TMEM182: variants seen among roughly 807,000 people sequenced by gnomAD.
TMEM182 encodes transmembrane protein 182.
A neutral mutation model predicts 26.8 loss-of-function variants in TMEM182; 20 were observed. The ratio of observed to expected loss-of-function variants is 0.75; its 90% CI spans 0.53 to 1.09. The LOEUF (loss-of-function observed/expected upper bound fraction) is 1.09, where lower values mean the gene tolerates loss of function less well. TMEM182 is among the 50% of genes least tolerant of loss of function. The pLI is 0.00. For missense variants in TMEM182, 277 were observed against 275.5 expected (o/e 1.01, Z -0.04); for synonymous variants, 109 against 102.2 (o/e 1.07, Z -0.40).
chr2:102,843,188 C>T (rs989223007), intron 3 of TMEM182, among the ~76,000 whole-genome samples: 1 of 152,168 alleles, frequency 6.6e-6, no homozygotes, highest in Middle Eastern at 3.2e-3. Flanking sequence ...GATACCATGA[C>T]ACCTCCAGTA....
chr2:102,816,266 C>T lies in TMEM182; in HGVS notation c.*1298C>T, dbSNP rs10201334. ...GAGCTTTGTTGGAGGTGCGGTGTTTCATTCTGCAGCTGTTGTGAGGACAGA... is the reference window on the plus strand; with the variant it reads ...GAGCTTTGTTGGAGGTGCGGTGTTTTATTCTGCAGCTGTTGTGAGGACAGA... On this transcript the variant is annotated 3_prime_UTR_variant, in exon 5 of 5. Transcript: ENST00000412401. 9,260 of 985,142 alleles carry T rather than the reference C, an allele frequency of 9.4e-3. 662 individuals carry two copies. In the African/African-American group the frequency reaches 0.15, roughly 16 times the overall value. 61.0% of individuals were successfully genotyped at this position (985,142 alleles called of 1,614,324 possible).
At chr2:102,764,530 C>A in intron 3 of TMEM182, 103 bp downstream of exon 3, 1 of 840,184 alleles carries the variant, frequency 1.2e-6, no homozygotes, top group Non-Finnish European at 1.8e-6. Flanking sequence ...AATTTAAGAC[C>A]TGTAATTTCA....
chr2:102,792,186 C>A (rs1681677918), intron 3 of TMEM182, among the ~76,000 whole-genome samples: 2 of 151,536 alleles, frequency 1.3e-5, no homozygotes, highest in African/African-American at 4.8e-5. Context: ...TATCTCCAAC[C>A]TAGATCCATC....
At chr2:102,763,417 C>T (rs1196792586) in intron 2 of TMEM182, among the ~76,000 whole-genome samples, 6 of 151,998 alleles carry the variant, frequency 3.9e-5, no homozygotes. Flanking sequence ...GTTTATTAGC[C>T]TAAAGCTTAT....
chr2:102,806,401 G>T (rs1313201145), intron 4 of TMEM182, among the ~76,000 whole-genome samples: 4 of 152,092 alleles, frequency 2.6e-5, no homozygotes. Context: ...TTCTGTTCTT[G>T]GCAAAACATT....
rs1680349909 is a variant in TMEM182 at position 102,764,523 on chromosome 2, T to A, written c.331+96T>A. 3 of 916,834 alleles carry A rather than the reference T, an allele frequency of 3.3e-6. No homozygotes were observed. The East Asian group carries it at 8.2e-5, about 25-fold the overall frequency. The allele number at this position is 916,834 out of a possible 1,614,324, so 56.8% of individuals were successfully genotyped here. ...TGTTGTGAGCAATTAAAAAAATAAT[T>A]TAAGACCTGTAATTTCAATATTTTT... is the stretch of plus-strand genomic sequence containing the variant. On this transcript the variant is annotated intron_variant, in intron 3 of 4. Transcript: ENST00000412401.
At chr2:102,757,250 AT>A (rs1680070043), upstream of TMEM182, among the ~76,000 whole-genome samples, 1 of 152,160 alleles carries the variant, frequency 6.6e-6, no homozygotes, top group African/African-American at 2.4e-5. Context: ...TTGCCTCCTC[AT>A]TTAGACTTGG....
intron 1 of TMEM182, among the ~76,000 whole-genome samples, chr2:102,752,153 A>G (rs747953486): frequency 6.6e-6 from 1 of 152,208 alleles, no homozygotes; most frequent in Non-Finnish European, 1.5e-5. Flanking sequence ...CCTGCCATAA[A>G]GAGATTCAGA....
chr2:102,756,228 T>G (rs1477544265), intron 1 of TMEM182, among the ~76,000 whole-genome samples: 1 of 152,218 alleles, frequency 6.6e-6, no homozygotes, highest in African/African-American at 2.4e-5. Flanking sequence ...CAGTTTTATT[T>G]TATTGTGTTT....
chr2:102,841,604 G>T (rs1156251651), intron 3 of TMEM182, among the ~76,000 whole-genome samples: 1 of 152,216 alleles, frequency 6.6e-6, no homozygotes, highest in Non-Finnish European at 1.5e-5. Context: ...TGAGCATGCG[G>T]TGTCTGTTGT....
At chr2:102,778,780 C>A (rs1037799890) in intron 3 of TMEM182, among the ~76,000 whole-genome samples, 1 of 152,022 alleles carries the variant, frequency 6.6e-6, no homozygotes, top group Admixed American at 6.6e-5. Context: ...TGTTCCTTTA[C>A]CCTCTAGCAA....
At chr2:102,763,992 T>G (rs1419142788) in intron 2 of TMEM182, among the ~76,000 whole-genome samples, 1 of 152,214 alleles carries the variant, frequency 6.6e-6, no homozygotes, top group Admixed American at 6.5e-5. Context: ...TATTCCCTAC[T>G]GTGTGCTAGA....
At chr2:102,806,041 G>T (rs1682332394) in intron 4 of TMEM182, among the ~76,000 whole-genome samples, 1 of 152,114 alleles carries the variant, frequency 6.6e-6, no homozygotes, top group Admixed American at 6.5e-5. Flanking sequence ...TATTTACTCA[G>T]TACTAAGGGA....
In TMEM182 at chr2:102,764,324, C is replaced by T. The variant is rs776771248; in HGVS notation, c.233-5C>T. ...CAAGTGCCATTGTTTTGCTGTTCTT[C>T]CTAGCCAATCAGCCACCGTCCAAGA... On this transcript the variant is annotated splice_polypyrimidine_tract_variant and splice_region_variant and intron_variant, in intron 2 of 4. Transcript: ENST00000412401. The T allele has an allele frequency of 6.2e-7, 1 of 1,613,598 alleles. No homozygotes were observed. Among genetic ancestry groups the T allele is most frequent in the Non-Finnish European group, 8.5e-7 (1 of 1,179,692 alleles).
intron 4 of TMEM182, among the ~76,000 whole-genome samples, chr2:102,805,311 C>T (rs1022034293): frequency 6.6e-6 from 1 of 152,104 alleles, no homozygotes. Flanking sequence ...CTCCTTGAGT[C>T]TGGAACATCT....
At chr2:102,758,853 G>A (rs1334369563), upstream of TMEM182, among the ~76,000 whole-genome samples, 1 of 152,174 alleles carries the variant, frequency 6.6e-6, no homozygotes, top group Non-Finnish European at 1.5e-5. Flanking sequence ...AAATTCTGAA[G>A]TTAATAAAAT....
intron 4 of TMEM182, among the ~76,000 whole-genome samples, chr2:102,809,110 A>G (rs1331872614): frequency 1.3e-5 from 2 of 152,230 alleles, no homozygotes; most frequent in East Asian, 3.8e-4. Context: ...ACTTTTGCCC[A>G]TTAGGAAAAC....
At chr2:102,837,972 C>T (rs374145451) in intron 3 of TMEM182, among the ~76,000 whole-genome samples, 14 of 152,266 alleles carry the variant, frequency 9.2e-5, no homozygotes, top group Non-Finnish European at 1.9e-4. Context: ...TTCAAGACGG[C>T]GGCAGCAAAG....
intron 3 of TMEM182, among the ~76,000 whole-genome samples, chr2:102,770,464 ACCTGAGGACTCT>A (rs1241994295): frequency 1.3e-5 from 2 of 152,112 alleles, no homozygotes; most frequent in Non-Finnish European, 2.9e-5. Flanking sequence ...CTTAGACAGG[ACCTGAGGACTCT>A]GTCCTCTTTA....
Sources: gnomAD v4.1 joint callset for allele counts (sites outside exome capture counted in the v4.1 genomes callset) on GRCh38, gnomAD v4.1.1 for gene constraint, MANE v1.5 for transcripts, NCBI Gene and HGNC (gene_info 2026-07-23, HGNC 2026-07-21) for gene names.